Variants in NPSR1 observed in about 807,000 individuals in gnomAD.
NPSR1 encodes neuropeptide S receptor 1.
In NPSR1, 48 loss-of-function variants were observed where a neutral mutation model predicts 46.9. The observed-to-expected ratio is 1.02, with a 90% CI of 0.81 to 1.30. The LOEUF (loss-of-function observed/expected upper bound fraction) is 1.30. NPSR1 is among the 50% of genes most tolerant of loss of function. NPSR1 has a pLI of 0.00. For synonymous variants in NPSR1, 176 were observed against 168.1 expected, an observed-to-expected ratio of 1.05 and a Z score of -0.36; for missense variants, 450 against 449.5, an observed-to-expected ratio of 1.00 and a Z score of -0.01.
At chr7:34,740,562 G>A (rs1163875801) in intron 2 of NPSR1, among the ~76,000 whole-genome samples, 2 of 152,164 alleles carry the variant, frequency 1.3e-5, no homozygotes, top group African/African-American at 4.8e-5. Flanking sequence ...GACCCACAGA[G>A]CCCACAGGGC....
intron 2 of NPSR1, among the ~76,000 whole-genome samples, chr7:34,747,246 G>A (rs1353897226): frequency 1.3e-5 from 2 of 152,006 alleles, no homozygotes; most frequent in Non-Finnish European, 2.9e-5. Context: ...TCACAAGCAA[G>A]GGCATCTGTA....
intron 2 of NPSR1, among the ~76,000 whole-genome samples, chr7:34,727,243 C>A (rs1784202348): frequency 6.6e-6 from 1 of 151,854 alleles, no homozygotes; most frequent in Admixed American, 6.6e-5. Context: ...GCTGGGAGAT[C>A]AAAAGGAGTG....
At chr7:34,842,334 A>G (rs1406841824) in intron 6 of NPSR1, among the ~76,000 whole-genome samples, 1 of 152,178 alleles carries the variant, frequency 6.6e-6, no homozygotes, top group Non-Finnish European at 1.5e-5. Context: ...CATCCTAGAA[A>G]TCAAGGTTTC....
intron 3 of NPSR1, among the ~76,000 whole-genome samples, chr7:34,806,050 T>C (rs1788685184): frequency 6.6e-6 from 1 of 152,010 alleles, no homozygotes; most frequent in African/African-American, 2.4e-5. Context: ...TGAGGATGAA[T>C]ATTAACAGGA....
In NPSR1 at chr7:34,692,679, GA is replaced by G. The variant is rs551753354; in HGVS notation, c.280+8003del. On this transcript the variant is annotated intron_variant, in intron 2 of 8. Coordinates refer to ENST00000360581, the MANE Select transcript of NPSR1 (RefSeq NM_207172.2). ...GAACAAGCCAAATCCAAAGTAAGCA[GA>G]AAAAAAAGAAATATAATAACAAAGA... Among the ~76,000 whole-genome samples the G allele has an allele frequency of 2.9e-3, 439 of 151,094 alleles. 3 individuals carry two copies. The highest frequency in any genetic ancestry group is 0.01 in the African/African-American group (413 of 41,204).
At chr7:34,665,219 C>T (rs775101262) in intron 1 of NPSR1, among the ~76,000 whole-genome samples, 1 of 152,192 alleles carries the variant, frequency 6.6e-6, no homozygotes, top group Non-Finnish European at 1.5e-5. Flanking sequence ...TGATTTAACA[C>T]ACCAGAGGTT....
At chr7:34,691,341 T>C (rs1793239330) in intron 2 of NPSR1, among the ~76,000 whole-genome samples, 1 of 152,138 alleles carries the variant, frequency 6.6e-6, no homozygotes, top group African/African-American at 2.4e-5. Context: ...GTAACAACAC[T>C]GTGACAGGAA....
At chr7:34,821,127 CTT>C (rs35086136) in intron 4 of NPSR1, among the ~76,000 whole-genome samples, 3,640 of 94,578 alleles carry the variant, frequency 0.038, 143 homozygotes, top group African/African-American at 0.12. Context: ...TTGTGATACA[CTT>C]TTTTTTTTTT....
chr7:34,845,664 A>T, intron 7 of NPSR1: 3 of 448,480 alleles, frequency 6.7e-6, no homozygotes, highest in Non-Finnish European at 1.3e-5. Flanking sequence ...CTCACACTAC[A>T]GGATATAGAT....
At chr7:34,758,275 TC>T (rs1785980443) in intron 2 of NPSR1, 1 of 152,192 alleles carries the variant, frequency 6.6e-6, no homozygotes, top group African/African-American at 2.4e-5. Context: ...GTCCTAGACC[TC>T]CCCAGAGAGT....
chr7:34,791,105 T>C (rs1431043283), intron 3 of NPSR1, among the ~76,000 whole-genome samples: 4 of 94,850 alleles, frequency 4.2e-5, no homozygotes, highest in Non-Finnish European at 7.6e-5. Context: ...TTATATATAA[T>C]ATGTTATATA....
At chr7:34,874,695 G>C (rs1042483953) in intron 8 of NPSR1, among the ~76,000 whole-genome samples, 1 of 152,132 alleles carries the variant, frequency 6.6e-6, no homozygotes, top group African/African-American at 2.4e-5. Context: ...TGGTGAATGA[G>C]GGAGGAAGGG....
At chr7:34,863,741 G>A (rs895074381) in intron 8 of NPSR1, among the ~76,000 whole-genome samples, 7 of 151,768 alleles carry the variant, frequency 4.6e-5, no homozygotes, top group Admixed American at 1.3e-4. Context: ...TGCTGGAGAG[G>A]ATGTAGAGAA....
At chr7:34,814,782 A>G (rs1789161650) in intron 4 of NPSR1, among the ~76,000 whole-genome samples, 1 of 152,126 alleles carries the variant, frequency 6.6e-6, no homozygotes, top group African/African-American at 2.4e-5. Flanking sequence ...CAGGGTCTGG[A>G]GTGGATCTCC....
intron 2 of NPSR1, among the ~76,000 whole-genome samples, chr7:34,739,908 G>A (rs1217434250): frequency 6.6e-6 from 1 of 152,186 alleles, no homozygotes; most frequent in Non-Finnish European, 1.5e-5. Flanking sequence ...GTGTTTTTAA[G>A]AGAGCATCAG....
intron 3 of NPSR1, among the ~76,000 whole-genome samples, chr7:34,781,553 T>C (rs1412369640): frequency 6.6e-6 from 1 of 152,186 alleles, no homozygotes; most frequent in Non-Finnish European, 1.5e-5. Context: ...TTGTCTCTAG[T>C]GGCCTGCTCC....
chr7:34,876,151 C>T (rs887079468), intron 8 of NPSR1, among the ~76,000 whole-genome samples: 49 of 152,056 alleles, frequency 3.2e-4, no homozygotes, highest in African/African-American at 9.2e-4. Context: ...AGGATGCAGA[C>T]GGCAGAATTT....
intron 1 of NPSR1, among the ~76,000 whole-genome samples, chr7:34,680,128 C>G (rs1161235321): frequency 6.6e-6 from 1 of 151,994 alleles, no homozygotes; most frequent in East Asian, 1.9e-4. Context: ...ATATTATAAC[C>G]TCATCATTGT....
intron 3 of NPSR1, among the ~76,000 whole-genome samples, chr7:34,782,057 C>T (rs1467743380): frequency 6.6e-6 from 1 of 152,146 alleles, no homozygotes; most frequent in Non-Finnish European, 1.5e-5. Flanking sequence ...ACAGCTCAGC[C>T]ATAGAAAGCT....
Sources: allele counts gnomAD v4.1 joint callset (sites outside exome capture counted in the v4.1 genomes callset), GRCh38; gene constraint gnomAD v4.1.1; transcripts MANE v1.5; gene names NCBI Gene and HGNC (gene_info 2026-07-23, HGNC 2026-07-21).